Variants in ZBTB46 observed in about 807,000 individuals in gnomAD.
ZBTB46 encodes the protein zinc finger and BTB domain-containing protein 46.
ZBTB46 carries 8 observed loss-of-function variants against 44.1 expected under a neutral mutation model. The ratio of observed to expected loss-of-function variants is 0.18; its 90% confidence interval spans 0.11 to 0.33. The LOEUF is 0.33. Ranked by LOEUF, ZBTB46 falls within the 10% of genes least tolerant of loss-of-function variation. The pLI is 1.00. For synonymous variants in ZBTB46, 409 were observed against 382.3 expected, an observed-to-expected ratio of 1.07 and a Z score of -0.81; for missense variants, 651 against 847.7, an observed-to-expected ratio of 0.77 and a Z score of 2.88.
rs376750879 is a variant in ZBTB46, at chr20:63,752,678, G to T, written c.1398+8C>A. 1 of 1,562,766 alleles carries T rather than the reference G, an allele frequency of 6.4e-7. No individual in the cohort carries two copies. The highest frequency in any genetic ancestry group is 1.2e-5 in the South Asian group (1 of 85,808). ...AGCGCGCGGCACGCGGACCCTCCCC[G>T]CACTCACCAGCGTGTGGCGCTTCAT... On this transcript the variant is annotated splice_region_variant and intron_variant, in intron 4 of 4. Transcript: ENST00000245663. The surrounding 1 kb of genome is among the most constrained non-coding windows in gnomAD (Gnocchi z 5.6).
At chr20:63,749,247 C>T (rs1019783146) in intron 4 of ZBTB46, among the ~76,000 whole-genome samples, 1 of 152,240 alleles carries the variant, frequency 6.6e-6, no homozygotes, top group Non-Finnish European at 1.5e-5. Context: ...CACAGCACAC[C>T]TCAGATGCCC....
intron 1 of ZBTB46, among the ~76,000 whole-genome samples, chr20:63,822,191 C>T (rs1295356193): frequency 6.6e-6 from 1 of 152,236 alleles, no homozygotes; most frequent in African/African-American, 2.4e-5. Context: ...CCTAAACACA[C>T]TTGCAGCACC....
chr20:63,833,045 C>G (rs2092859887), upstream of ZBTB46, among the ~76,000 whole-genome samples: 7 of 152,190 alleles, frequency 4.6e-5, no homozygotes, highest in Admixed American at 4.6e-4. Context: ...TGCCCATGCT[C>G]TCTTGCGCAA....
rs1412141347 is a variant in ZBTB46 at position 63,756,028 on chromosome 20, T to C, written c.1223-3167A>G. Among the ~76,000 whole-genome samples, 4 of 152,338 alleles carry C rather than the reference T, an allele frequency of 2.6e-5. No homozygotes were observed. The South Asian group carries it at 8.3e-4, about 32-fold the overall frequency. On this transcript the variant is annotated intron_variant, in intron 3 of 4. Transcript: ENST00000245663. ...ATTCAGCGACATCCGGCTGCGACTG[T>C]ACAGAATTGCCCCTGTGAAAACACT... is the stretch of plus-strand genomic sequence containing the variant.
Position 63,790,806 on chromosome 20 carries a change from C to G in ZBTB46, c.-33-16G>C. 3 of 1,521,836 alleles carry G rather than the reference C, an allele frequency of 2.0e-6. No individual in the cohort carries two copies. Among genetic ancestry groups the G allele is most frequent in the Non-Finnish European group, 2.6e-6 (3 of 1,138,128 alleles). The allele number at this position is 1,521,836 out of a possible 1,614,324, so 94.3% of individuals were successfully genotyped here. A position where few individuals can be genotyped will look rare whatever the true frequency, so the allele number is the denominator to read the frequency against. Reference sequence around the variant, plus strand: ...TCTACAGACTCTGTGGAGGTAAGAACAAGAGTTACCCAAGCTCAGCACAGA... The same window carrying G: ...TCTACAGACTCTGTGGAGGTAAGAAGAAGAGTTACCCAAGCTCAGCACAGA... On this transcript the variant is annotated splice_polypyrimidine_tract_variant and intron_variant, in intron 1 of 4. Coordinates refer to ENST00000245663, the MANE Select transcript of ZBTB46 (RefSeq NM_001369741.1).
In ZBTB46 at chr20:63,746,302, C is replaced by G. The variant is rs2092088785; in HGVS notation, c.*628G>C. The G allele has an allele frequency of 6.5e-6, 1 of 152,832 alleles. No homozygotes were observed. Among genetic ancestry groups the G allele is most frequent in the Non-Finnish European group, 1.5e-5 (1 of 68,102 alleles). The allele number at this position is 152,832 out of a possible 1,614,324, so 9.5% of individuals were successfully genotyped here. On this transcript the variant is annotated 3_prime_UTR_variant, in exon 5 of 5. Coordinates refer to ENST00000245663, the MANE Select transcript of ZBTB46 (RefSeq NM_001369741.1). Reference sequence around the variant, plus strand: ...GGGCTGTGTCCACCTAAGATAGCACCTGGAGCCCTCGGCCTCCAGCAGGGT... The same window carrying G: ...GGGCTGTGTCCACCTAAGATAGCACGTGGAGCCCTCGGCCTCCAGCAGGGT...
intron 1 of ZBTB46, among the ~76,000 whole-genome samples, chr20:63,792,386 T>TC (rs2092568145): frequency 6.6e-6 from 1 of 151,504 alleles, no homozygotes; most frequent in Non-Finnish European, 1.5e-5. Context: ...TACATGTCCT[T>TC]CCGGCAAGGA....
intron 1 of ZBTB46, among the ~76,000 whole-genome samples, chr20:63,796,019 G>A (rs186330385): frequency 1.2e-4 from 19 of 152,222 alleles, no homozygotes; most frequent in Admixed American, 7.9e-4. Flanking sequence ...ATTTGAGGAC[G>A]AATGTGCCCT....
chr20:63,749,028 G>A (rs987051573), intron 4 of ZBTB46, among the ~76,000 whole-genome samples: 2 of 152,210 alleles, frequency 1.3e-5, no homozygotes, highest in Non-Finnish European at 2.9e-5. Flanking sequence ...CACCCAGCAC[G>A]GCCCGACCTC....
intron 1 of ZBTB46, among the ~76,000 whole-genome samples, chr20:63,830,696 A>C (rs1466293892): frequency 6.9e-6 from 1 of 145,856 alleles, no homozygotes; most frequent in East Asian, 2.2e-4. Flanking sequence ...AGCAGAAATT[A>C]CCAGCTGGAA....
Position 63,789,801 on chromosome 20 carries a change from G to A in ZBTB46, c.937+20C>T, listed in dbSNP as rs749223494. On this transcript the variant is annotated intron_variant, in intron 2 of 4. Transcript: ENST00000245663. Reference sequence around the variant, plus strand: ...GACACACTGGGGCAGCTGAGCCCCCGTAACGAGTGAAAGGCTTACTTGAGT... The same window carrying A: ...GACACACTGGGGCAGCTGAGCCCCCATAACGAGTGAAAGGCTTACTTGAGT... 1.4e-4 allele frequency: 214 copies of A among 1,582,200 alleles called. 1 individual carries two copies. The South Asian group carries it at 2.1e-3, about 15-fold the overall frequency.
At chr20:63,801,537 T>C (rs575905867) in intron 1 of ZBTB46, among the ~76,000 whole-genome samples, 7 of 152,168 alleles carry the variant, frequency 4.6e-5, no homozygotes, top group East Asian at 1.9e-4. Flanking sequence ...CTTTCATACA[T>C]TGAAAGTGTT....
At chr20:63,788,822 C>T (rs1284092800) in intron 2 of ZBTB46, among the ~76,000 whole-genome samples, 3 of 149,218 alleles carry the variant, frequency 2.0e-5, no homozygotes, top group East Asian at 2.0e-4. Context: ...CTGGGCAACA[C>T]GGTGAGACTG....
At chr20:63,769,456 A>G (rs1352358486) in intron 3 of ZBTB46, 1 of 984,346 alleles carries the variant, frequency 1.0e-6, no homozygotes, top group Admixed American at 6.2e-5. Flanking sequence ...AGAGTTCCAG[A>G]AGCACTGACG....
At chr20:63,780,308 A>G (rs764865885) in intron 2 of ZBTB46, among the ~76,000 whole-genome samples, 2 of 152,010 alleles carry the variant, frequency 1.3e-5, no homozygotes, top group Non-Finnish European at 2.9e-5. Context: ...ATTCTCATTA[A>G]TTTTATGTAT....
rs1261711040 is a variant in ZBTB46, at chr20:63,803,374, C to T, written c.-33-12584G>A. The T allele has an allele frequency of 2.0e-6, 2 of 985,480 alleles. No homozygotes were observed. Among genetic ancestry groups the T allele is most frequent in the Non-Finnish European group, 1.2e-6 (1 of 829,930 alleles). The allele number at this position is 985,480 out of a possible 1,614,324, so 61.0% of individuals were successfully genotyped here. On this transcript the variant is annotated intron_variant, in intron 1 of 4. Coordinates refer to ENST00000245663, the MANE Select transcript of ZBTB46 (RefSeq NM_001369741.1). This position sits in a 1 kb window ranked among gnomAD's most constrained non-coding sequence, Gnocchi z 4.0. ...TCGCATTTCAAAATTTTTAAGTGAG[C>T]TCCTGACTAGAAAACACTCCAAGAC...
chr20:63,769,649 C>T lies in ZBTB46; in HGVS notation c.1222+6029G>A, dbSNP rs528822435. On this transcript the variant is annotated intron_variant, in intron 3 of 4. Coordinates refer to ENST00000245663, the MANE Select transcript of ZBTB46 (RefSeq NM_001369741.1). ...AACAGAGGGTTTTGGTGGAGGAAGTCGGAGCGTGAACACCTCTGGACTGCA... is the reference window on the plus strand; with the variant it reads ...AACAGAGGGTTTTGGTGGAGGAAGTTGGAGCGTGAACACCTCTGGACTGCA... Among the ~76,000 whole-genome samples, 7 of 152,250 alleles carry T rather than the reference C, an allele frequency of 4.6e-5. No homozygotes were observed. In the South Asian group the frequency reaches 6.2e-4, roughly 14 times the overall value.
chr20:63,797,737 A>C (rs1178134593), intron 1 of ZBTB46, among the ~76,000 whole-genome samples: 1 of 152,108 alleles, frequency 6.6e-6, no homozygotes, highest in Non-Finnish European at 1.5e-5. Flanking sequence ...TTTGATTTGC[A>C]TTTCTCTCAC....
chr20:63,802,164 T>C lies in ZBTB46; in HGVS notation c.-33-11374A>G, dbSNP rs568379217. ...GGGGCTGGACACGATGGCTCACACC[T>C]GTAATCCCAGCACTTTGGGAGGCAG... On this transcript the variant is annotated intron_variant, in intron 1 of 4. Transcript: ENST00000245663. Among the ~76,000 whole-genome samples, 5 of 152,254 alleles carry C rather than the reference T, an allele frequency of 3.3e-5. No individual in the cohort carries two copies. The South Asian group carries it at 1.0e-3, about 32-fold the overall frequency.
Sources: allele counts gnomAD v4.1 joint callset (sites outside exome capture counted in the v4.1 genomes callset), GRCh38; gene constraint gnomAD v4.1.1; non-coding constraint Gnocchi (gnomAD v3.1); transcripts MANE v1.5; gene names NCBI Gene and HGNC (gene_info 2026-07-23, HGNC 2026-07-21).